The following IQSEC1 variants were observed in gnomAD, a reference collection of about 807,000 sequenced individuals.
IQSEC1 encodes IQ motif and SEC7 domain-containing protein 1.
In IQSEC1, 31 loss-of-function variants were observed where a neutral mutation model predicts 91.0. That is an observed-to-expected ratio of 0.34 (90% confidence interval 0.26 to 0.46). The LOEUF is 0.46. Ranked by LOEUF, IQSEC1 falls within the 20% of genes least tolerant of loss-of-function variation. IQSEC1 has a pLI of 1.00. For synonymous variants in IQSEC1, 699 were observed against 662.6 expected, an observed-to-expected ratio of 1.05 and a Z score of -0.84; for missense variants, 1,388 against 1,575.6, an observed-to-expected ratio of 0.88 and a Z score of 2.02.
At chr3:13,124,367 T>C (rs1706476641) in intron 2 of IQSEC1, among the ~76,000 whole-genome samples, 2 of 152,168 alleles carry the variant, frequency 1.3e-5, no homozygotes, top group African/African-American at 2.4e-5. Flanking sequence ...ATGTTAACCA[T>C]GGGAAGTCAC....
intron 2 of IQSEC1, among the ~76,000 whole-genome samples, chr3:13,086,395 T>G (rs1705735417): frequency 6.6e-6 from 1 of 152,210 alleles, no homozygotes; most frequent in South Asian, 2.1e-4. Flanking sequence ...TCAGTCTCCA[T>G]GCTGGTTCAG....
At chr3:12,955,194 G>A (rs1699823759) in intron 1 of IQSEC1, among the ~76,000 whole-genome samples, 1 of 152,224 alleles carries the variant, frequency 6.6e-6, no homozygotes, top group Non-Finnish European at 1.5e-5. Flanking sequence ...TGAAAACACT[G>A]TCCTGCAGGC....
chr3:13,034,374 G>A (rs1267587097), intron 1 of IQSEC1, among the ~76,000 whole-genome samples: 2 of 152,244 alleles, frequency 1.3e-5, no homozygotes, highest in African/African-American at 2.4e-5. Flanking sequence ...AGAGCAAGAA[G>A]TGTTTGTGGT....
rs1277761113 is a variant in IQSEC1, at chr3:13,073,380, G to C, written c.-366C>G. ...TCCGGGGTGCGGGGCGCGGGGATGA[G>C]GAGGGGAGGGTCGAGAGAAGGCTGC... On this transcript the variant is annotated 5_prime_UTR_variant, in exon 1 of 14. Coordinates refer to ENST00000613206, the MANE Select transcript of IQSEC1 (RefSeq NM_001134382.3). Among the ~76,000 whole-genome samples the C allele has an allele frequency of 1.3e-5, 2 of 152,092 alleles. No individual in the cohort carries two copies. The highest frequency in any genetic ancestry group is 3.9e-4 in the East Asian group (2 of 5,176).
At chr3:13,084,296 A>C (rs955391904) in intron 2 of IQSEC1, among the ~76,000 whole-genome samples, 1 of 150,664 alleles carries the variant, frequency 6.6e-6, no homozygotes, top group Admixed American at 6.6e-5. Context: ...GGTGGTGTGG[A>C]GTCTGGGGCC....
At chr3:13,117,395 G>A (rs1324013893) in intron 2 of IQSEC1, among the ~76,000 whole-genome samples, 1 of 151,018 alleles carries the variant, frequency 6.6e-6, no homozygotes, top group Non-Finnish European at 1.5e-5. Context: ...GATCATCCTG[G>A]CCAACATGGT....
chr3:13,145,204 C>G (rs1706869409), intron 2 of IQSEC1, among the ~76,000 whole-genome samples: 1 of 152,144 alleles, frequency 6.6e-6, no homozygotes, highest in Non-Finnish European at 1.5e-5. Context: ...GACAGAAAAC[C>G]CTATGAAGAG....
At chr3:13,099,557 C>T (rs950607919) in intron 2 of IQSEC1, among the ~76,000 whole-genome samples, 11 of 152,046 alleles carry the variant, frequency 7.2e-5, no homozygotes, top group South Asian at 2.1e-4. Context: ...TGGCAGAGCG[C>T]GGTGGCCATG....
chr3:13,090,044 T>A lies in IQSEC1; in HGVS notation c.303-42522A>T, dbSNP rs113132109. Among the ~76,000 whole-genome samples, 864 of 148,568 alleles carry A rather than the reference T, an allele frequency of 5.8e-3. 11 individuals carry two copies. The highest frequency in any genetic ancestry group is 0.028 in the Admixed American group (413 of 14,788). On this transcript the variant is annotated intron_variant, in intron 2 of 15. Transcript: ENST00000648114. ...TCCTGGCTAACACGGTGAAACCCCG[T>A]CTCCACTAAAAAATACAAAAAATAT...
intron 1 of IQSEC1, among the ~76,000 whole-genome samples, chr3:13,260,051 A>G (rs1695355106): frequency 6.6e-6 from 1 of 152,254 alleles, no homozygotes; most frequent in Non-Finnish European, 1.5e-5. Context: ...GCTGGATCTC[A>G]GGAAGCAGCC....
chr3:13,006,662 G>A (rs1015895533), intron 1 of IQSEC1, among the ~76,000 whole-genome samples: 6 of 152,226 alleles, frequency 3.9e-5, no homozygotes, highest in Admixed American at 1.3e-4. Context: ...TGAAACACAC[G>A]CGCACACAGC....
chr3:12,976,938 G>A (rs1167427617), intron 1 of IQSEC1, among the ~76,000 whole-genome samples: 2 of 50,078 alleles, frequency 4.0e-5, no homozygotes, highest in African/African-American at 1.5e-4. Flanking sequence ...GAGAGATTCT[G>A]GAAGGGCTGG....
chr3:13,048,465 C>A (rs186783052), intron 1 of IQSEC1, among the ~76,000 whole-genome samples: 1 of 152,204 alleles, frequency 6.6e-6, no homozygotes, highest in Admixed American at 6.5e-5. Context: ...GCACCCACAC[C>A]CCCCATCGCT....
chr3:13,148,232 C>T (rs568203503), intron 2 of IQSEC1, among the ~76,000 whole-genome samples: 9 of 152,270 alleles, frequency 5.9e-5, no homozygotes, highest in Admixed American at 3.3e-4. Context: ...CCTCCCCACC[C>T]AGGAGAGCAC....
chr3:13,126,329 T>C (rs1399341227), intron 2 of IQSEC1, among the ~76,000 whole-genome samples: 1 of 152,246 alleles, frequency 6.6e-6, no homozygotes, highest in Non-Finnish European at 1.5e-5. Context: ...TTTTGATCCA[T>C]CAAAGTTGCT....
At chr3:13,246,463 C>T (rs559754383) in intron 1 of IQSEC1, among the ~76,000 whole-genome samples, 3 of 152,184 alleles carry the variant, frequency 2.0e-5, no homozygotes, top group East Asian at 1.9e-4. Context: ...GTGAGTGGAG[C>T]TAATCCCACT....
chr3:13,199,339 T>C (rs1298278534), intron 1 of IQSEC1, among the ~76,000 whole-genome samples: 2 of 152,174 alleles, frequency 1.3e-5, no homozygotes, highest in Non-Finnish European at 2.9e-5. Flanking sequence ...GCTCCAATTG[T>C]TGTGACTGAG....
chr3:13,130,334 ACT>A (rs1361284023), intron 2 of IQSEC1, among the ~76,000 whole-genome samples: 4 of 135,332 alleles, frequency 3.0e-5, no homozygotes, highest in Non-Finnish European at 6.1e-5. Flanking sequence ...ACAGAACGAG[ACT>A]CTGTCAAAAA....
intron 1 of IQSEC1, among the ~76,000 whole-genome samples, chr3:13,220,461 G>A (rs750924471): frequency 7.2e-5 from 11 of 152,170 alleles, no homozygotes; most frequent in Non-Finnish European, 1.0e-4. Flanking sequence ...GGCTTCTCCC[G>A]CTCTGTGGCC....
Sources: allele counts gnomAD v4.1 joint callset (sites outside exome capture counted in the v4.1 genomes callset), GRCh38; gene constraint gnomAD v4.1.1; transcripts MANE v1.5; gene names NCBI Gene and HGNC (gene_info 2026-07-23, HGNC 2026-07-21).